The following SLC25A17 variants were observed in gnomAD, a reference collection of about 807,000 sequenced individuals.
The protein encoded by SLC25A17 is solute carrier family 25 member 17.
Under a neutral mutation model 38.5 loss-of-function variants are expected in SLC25A17, and 26 were observed. That is an observed-to-expected ratio of 0.68 (90% confidence interval 0.50 to 0.94). The LOEUF is 0.94. SLC25A17 is among the 40% of genes least tolerant of loss of function. SLC25A17 has a pLI of 0.00. For synonymous variants in SLC25A17, 139 were observed against 136.2 expected (o/e 1.02, Z -0.14); for missense variants, 333 against 372.7 (o/e 0.89, Z 0.88).
intron 1 of SLC25A17, among the ~76,000 whole-genome samples, chr22:40,805,974 G>A (rs533861233): frequency 3.4e-4 from 52 of 152,340 alleles, no homozygotes; most frequent in African/African-American, 1.2e-3. Context: ...TTGACTGACT[G>A]GGTGCCACAG....
intron 4 of SLC25A17, among the ~76,000 whole-genome samples, chr22:40,782,189 C>T (rs1268504881): frequency 1.3e-5 from 2 of 151,904 alleles, no homozygotes; most frequent in Non-Finnish European, 2.9e-5. Flanking sequence ...TACTGCACTC[C>T]AGCCCGGGTG....
intron 4 of SLC25A17, among the ~76,000 whole-genome samples, chr22:40,787,774 A>G (rs2145667405): frequency 6.6e-6 from 1 of 152,288 alleles, no homozygotes; most frequent in South Asian, 2.1e-4. Context: ...ATAGGCAGGG[A>G]AAGTCTAGAG....
intron 8 of SLC25A17, 37 bp from the exon 9 acceptor site, chr22:40,771,018 T>C: frequency 1.3e-6 from 2 of 1,505,854 alleles, no homozygotes; most frequent in Non-Finnish European, 1.8e-6. Flanking sequence ...AGAAGTCAGC[T>C]CCTGCATCAG....
At position 40,789,549 on chromosome 22, in the gene SLC25A17, C is replaced by T. The variant is rs2057367322; in HGVS notation, c.334+2976G>A. ...GAGGTAGAGTTTCCCTCTTGTTGCC[C>T]AGGCTGGAGTGCAGTGGCATGATCT... On this transcript the variant is annotated intron_variant, in intron 4 of 8. Transcript: ENST00000435456. The surrounding 1 kb of genome is among the most constrained non-coding windows in gnomAD (Gnocchi z 4.5). Among the ~76,000 whole-genome samples, 1 of 152,052 alleles carries T rather than the reference C, an allele frequency of 6.6e-6. No homozygotes were observed. Among genetic ancestry groups the T allele is most frequent in the Non-Finnish European group, 1.5e-5 (1 of 68,004 alleles).
intron 1 of SLC25A17, among the ~76,000 whole-genome samples, chr22:40,809,389 C>A (rs1039516737): frequency 6.6e-6 from 1 of 151,294 alleles, no homozygotes; most frequent in Non-Finnish European, 1.5e-5. Flanking sequence ...CCGAGGTGGG[C>A]GGATTGCTTG....
At chr22:40,813,353 C>G (rs1568990224) in intron 1 of SLC25A17, among the ~76,000 whole-genome samples, 1 of 152,072 alleles carries the variant, frequency 6.6e-6, no homozygotes, top group Non-Finnish European at 1.5e-5. Flanking sequence ...GCCTGGCCAA[C>G]ACGGTGAGAC....
At chr22:40,805,991 C>T (rs2057526497) in intron 1 of SLC25A17, among the ~76,000 whole-genome samples, 1 of 152,206 alleles carries the variant, frequency 6.6e-6, no homozygotes, top group Admixed American at 6.5e-5. Flanking sequence ...ACAGTAATAC[C>T]AGACAGGCAG....
chr22:40,771,534 G>C (rs1387108525), intron 8 of SLC25A17, among the ~76,000 whole-genome samples: 1 of 152,210 alleles, frequency 6.6e-6, no homozygotes, highest in African/African-American at 2.4e-5. Flanking sequence ...CCATCAAAAA[G>C]AATGAGAGTT....
chr22:40,774,294 G>A (rs2057218753), intron 7 of SLC25A17, among the ~76,000 whole-genome samples: 1 of 150,954 alleles, frequency 6.6e-6, no homozygotes, highest in Non-Finnish European at 1.5e-5. Flanking sequence ...CACAATTTTG[G>A]CTCACTGCAA....
chr22:40,798,999 A>T (rs777498183), intron 2 of SLC25A17, 24 bp downstream of exon 2: 2 of 1,525,788 alleles, frequency 1.3e-6, no homozygotes, highest in Non-Finnish European at 1.8e-6. Flanking sequence ...ACACCATACA[A>T]ATAGGAGTAT....
At chr22:40,805,387 T>A (rs1400941371) in intron 1 of SLC25A17, among the ~76,000 whole-genome samples, 6 of 151,612 alleles carry the variant, frequency 4.0e-5, no homozygotes, top group Non-Finnish European at 8.8e-5. Context: ...TACAGAAGAG[T>A]AGTTGGAATG....
chr22:40,779,384 A>C, intron 4 of SLC25A17: 1 of 842,592 alleles, frequency 1.2e-6, no homozygotes, highest in Non-Finnish European at 1.8e-6. Context: ...CATTTGTACA[A>C]CAGGCAATCT....
At chr22:40,781,235 A>T (rs1268738453) in intron 4 of SLC25A17, among the ~76,000 whole-genome samples, 2 of 151,832 alleles carry the variant, frequency 1.3e-5, no homozygotes, top group East Asian at 3.9e-4. Flanking sequence ...ACAAGCAGAA[A>T]GACTAAAAGG....
chr22:40,799,079 C>T lies in SLC25A17; in HGVS notation c.59G>A (p.Ser20Asn). Residue 20 changes from serine to asparagine, a missense_variant, in exon 2 of 9, where the codon AGC (serine) becomes AAC (asparagine). Ser to Asn is a conservative substitution (Grantham distance 46). Transcript: ENST00000435456. ...LVHAVAGAVG[S>N]VTAMTVFFPL... The stretch of plus-strand genomic sequence containing the variant: ...AAAAAACACTGTCATTGCTGTCACG[C>T]TTCCCTGAAAAGTTTGAAAAAGGCC... 2 of 1,613,470 alleles carry T rather than the reference C, an allele frequency of 1.2e-6. No individual in the cohort carries two copies. Among genetic ancestry groups the T allele is most frequent in the East Asian group, 2.2e-5 (1 of 44,874 alleles).
At chr22:40,795,477 A>C (rs2057420773) in intron 2 of SLC25A17, among the ~76,000 whole-genome samples, 1 of 152,028 alleles carries the variant, frequency 6.6e-6, no homozygotes, top group Non-Finnish European at 1.5e-5. Flanking sequence ...TTTTTGTAGT[A>C]GAGACGGGGT....
chr22:40,814,502 G>A (rs2057615028), intron 1 of SLC25A17, among the ~76,000 whole-genome samples: 1 of 151,314 alleles, frequency 6.6e-6, no homozygotes, highest in East Asian at 1.9e-4. Context: ...TTACAATATT[G>A]ACTGACTACC....
chr22:40,798,949 A>G, intron 2 of SLC25A17, 74 bp downstream of exon 2: 1 of 1,153,650 alleles, frequency 8.7e-7, no homozygotes, highest in Non-Finnish European at 1.3e-6. Context: ...GTCTCAAAAA[A>G]AAAAAAAAAG....
At chr22:40,778,095 G>C (rs910456491) in intron 5 of SLC25A17, among the ~76,000 whole-genome samples, 2 of 152,198 alleles carry the variant, frequency 1.3e-5, no homozygotes, top group Non-Finnish European at 2.9e-5. Flanking sequence ...TCACTACAAA[G>C]ATTGATGTAT....
At chr22:40,814,247 T>A (rs1321176296) in intron 1 of SLC25A17, among the ~76,000 whole-genome samples, 1 of 152,220 alleles carries the variant, frequency 6.6e-6, no homozygotes, top group Non-Finnish European at 1.5e-5. Flanking sequence ...AGACACTGTC[T>A]TGCTGTCACT....
Sources: gnomAD v4.1 joint callset for allele counts (sites outside exome capture counted in the v4.1 genomes callset) on GRCh38, gnomAD v4.1.1 for gene constraint, Gnocchi (gnomAD v3.1) non-coding constraint, MANE v1.5 for transcripts, NCBI Gene and HGNC (gene_info 2026-07-23, HGNC 2026-07-21) for gene names.